SERPING1: variants seen among roughly 807,000 people sequenced by gnomAD.
The protein encoded by SERPING1 is plasma protease C1 inhibitor.
A neutral mutation model predicts 34.1 loss-of-function variants in SERPING1; 5 were observed. That is an observed-to-expected ratio of 0.15 (90% CI 0.08 to 0.31). The LOEUF (loss-of-function observed/expected upper bound fraction) is 0.31, where lower values mean the gene tolerates loss of function less well. Ranked by LOEUF, SERPING1 falls within the 10% of genes least tolerant of loss-of-function variation. The pLI is 1.00. For synonymous variants in SERPING1, 225 were observed against 242.4 expected (o/e 0.93, Z 0.67); for missense variants, 505 against 609.5 (o/e 0.83, Z 1.81).
intron 6 of SERPING1, 180 bp downstream of exon 6, chr11:57,606,727 CATT>C: frequency 1.3e-6 from 1 of 768,912 alleles, no homozygotes; most frequent in Non-Finnish European, 2.3e-6. Context: ...CCAAGGCAGA[CATT>C]GTATATTTTA....
chr11:57,603,737 G>A (rs1246911881), intron 4 of SERPING1, among the ~76,000 whole-genome samples: 1 of 150,064 alleles, frequency 6.7e-6, no homozygotes, highest in East Asian at 2.0e-4. Context: ...TACTTGGGAG[G>A]CTGAGGCAGG....
At chr11:57,613,184 A>C (rs1229867453) in intron 7 of SERPING1, among the ~76,000 whole-genome samples, 1 of 152,198 alleles carries the variant, frequency 6.6e-6, no homozygotes. Flanking sequence ...ATTTTCATTC[A>C]ACACTTCTGG....
chr11:57,598,150 G>T (rs1945307982), intron 1 of SERPING1, 99 bp from the exon 2 acceptor site: 2 of 856,946 alleles, frequency 2.3e-6, no homozygotes, highest in Non-Finnish European at 3.6e-6. Flanking sequence ...CGCTAAGAGG[G>T]ACTGGGGCCT....
Position 57,614,382 on chromosome 11 carries a change from A to G in SERPING1, c.1304A>G (p.Asp435Gly). 6.2e-7 allele frequency: 1 copy of G among 1,614,082 alleles called. No individual in the cohort carries two copies. Among genetic ancestry groups the G allele is most frequent in the South Asian group, 1.1e-5 (1 of 91,086 alleles). The stretch of plus-strand genomic sequence containing the variant: ...CTGTGTGGGCTGACAGAGGACCCAG[A>G]TCTTCAGGTTTCTGCGATGCAGCAC... ...LNLCGLTEDPDLQVSAMQHQT... is the reference protein window; with the variant it reads ...LNLCGLTEDPGLQVSAMQHQT... Residue 435 changes from aspartate to glycine, a missense_variant, in exon 8 of 8, where the codon GAT becomes GGT. Transcript: ENST00000278407.
At chr11:57,600,426 T>C (rs770101141) in intron 3 of SERPING1, 49 bp downstream of exon 3, 7 of 1,603,026 alleles carry the variant, frequency 4.4e-6, no homozygotes, top group Non-Finnish European at 6.0e-6. Flanking sequence ...GACACTCCCA[T>C]AAGAGTCACC....
intron 7 of SERPING1, 111 bp from the exon 8 acceptor site, chr11:57,614,217 G>T (rs1287626129): frequency 1.5e-6 from 2 of 1,376,928 alleles, no homozygotes; most frequent in East Asian, 4.6e-5. Flanking sequence ...AAGGGAAGAG[G>T]AAGAGAGCAC....
At chr11:57,600,451 C>G in intron 3 of SERPING1, 74 bp downstream of exon 3, 1 of 1,526,188 alleles carries the variant, frequency 6.6e-7, no homozygotes, top group Non-Finnish European at 9.1e-7. Context: ...CAGACACTTA[C>G]AAAGCCATGC....
intron 4 of SERPING1, among the ~76,000 whole-genome samples, chr11:57,605,186 G>A (rs1487939330): frequency 1.3e-5 from 2 of 151,928 alleles, no homozygotes; most frequent in Admixed American, 6.6e-5. Context: ...TGAAAAATAC[G>A]TAACAGCATT....
chr11:57,614,006 A>AT (rs1291137492), intron 7 of SERPING1, among the ~76,000 whole-genome samples: 1 of 151,708 alleles, frequency 6.6e-6, no homozygotes, highest in African/African-American at 2.4e-5. Flanking sequence ...ATATAACCTC[A>AT]TTTTTTCATA....
At chr11:57,613,943 A>G (rs1428806501) in intron 7 of SERPING1, among the ~76,000 whole-genome samples, 3 of 152,146 alleles carry the variant, frequency 2.0e-5, no homozygotes, top group Non-Finnish European at 4.4e-5. Context: ...ATTTGGAGCT[A>G]AAGATGCTCC....
rs759225698 is a variant in SERPING1, at chr11:57,598,254, C to T, written c.-17C>T. The T allele has an allele frequency of 1.5e-5, 23 of 1,546,884 alleles. No individual in the cohort carries two copies. The African/African-American group carries it at 3.0e-4, about 20-fold the overall frequency. ...GAGGCTGGCTGGCTCCGCAGGTCCG[C>T]TGACGTCGCCGCCCAGATGGCCTCC... On this transcript the variant is annotated 5_prime_UTR_variant, in exon 2 of 8. Coordinates refer to ENST00000278407, the MANE Select transcript of SERPING1 (RefSeq NM_000062.3).
In SERPING1 at chr11:57,610,225, G is replaced by A. The variant is rs150214803; in HGVS notation, c.1030-1492G>A. Among the ~76,000 whole-genome samples, 454 of 152,274 alleles carry A rather than the reference G, an allele frequency of 3.0e-3. 17 individuals are homozygous for A. The East Asian group carries it at 0.078, about 26-fold the overall frequency. ...CACCTGGTTTTAACATGATGAAGTT[G>A]GTTTCTTTTGTCATTCTTATACTAA... On this transcript the variant is annotated intron_variant, in intron 6 of 7. Transcript: ENST00000278407.
At chr11:57,601,308 G>A (rs933665817) in intron 3 of SERPING1, among the ~76,000 whole-genome samples, 3 of 151,788 alleles carry the variant, frequency 2.0e-5, no homozygotes, top group Non-Finnish European at 2.9e-5. Flanking sequence ...GGCTGAGGCA[G>A]GAGAATCACT....
chr11:57,600,522 T>TGGTGGG, intron 3 of SERPING1, 145 bp downstream of exon 3: 1 of 847,638 alleles, frequency 1.2e-6, no homozygotes. Context: ...GAGGGATGTA[T>TGGTGGG]CTTTTCATTC....
rs543403412 is a variant in SERPING1 at position 57,614,563 on chromosome 11, A to T, written c.1485A>T (p.Val495=). 1 of 1,613,974 alleles carries T rather than the reference A, an allele frequency of 6.2e-7. No individual in the cohort carries two copies. Among genetic ancestry groups the T allele is most frequent in the Admixed American group, 1.7e-5 (1 of 60,016 alleles). Residue 495 remains valine (V), a synonymous_variant, in exon 8 of 8, where the codon GTA becomes GTT. Coordinates refer to ENST00000278407, the MANE Select transcript of SERPING1 (RefSeq NM_000062.3). Reference sequence around the variant, plus strand: ...AGTTCCCTGTCTTCATGGGGCGAGTATATGACCCCAGGGCCTGAGACCTGC... The same window carrying T: ...AGTTCCCTGTCTTCATGGGGCGAGTTTATGACCCCAGGGCCTGAGACCTGC... ...QHKFPVFMGR[V]YDPRA
chr11:57,603,246 A>T (rs992326009), intron 4 of SERPING1, among the ~76,000 whole-genome samples: 8 of 150,552 alleles, frequency 5.3e-5, no homozygotes, highest in African/African-American at 2.0e-4. Context: ...AAAAAAAAAA[A>T]GGAAGAAAGA....
chr11:57,602,817 G>A (rs962939233), intron 4 of SERPING1, among the ~76,000 whole-genome samples: 5 of 151,346 alleles, frequency 3.3e-5, no homozygotes, highest in African/African-American at 7.3e-5. Context: ...AAGCCGGGCC[G>A]GGCATGGTGG....
chr11:57,602,187 G>A lies in SERPING1; in HGVS notation c.685+18G>A. 6.2e-7 allele frequency: 1 copy of A among 1,614,104 alleles called. No individual in the cohort carries two copies. Among genetic ancestry groups the A allele is most frequent in the Non-Finnish European group, 8.5e-7 (1 of 1,180,018 alleles). ...CAGCCCAGGTGAGTGCCCAGGAATGGGCAGTGTCTGCAGAGGAGGGTCCTG... is the reference window on the plus strand; with the variant it reads ...CAGCCCAGGTGAGTGCCCAGGAATGAGCAGTGTCTGCAGAGGAGGGTCCTG... On this transcript the variant is annotated intron_variant, in intron 4 of 7. Transcript: ENST00000278407.
rs1326692517 is a variant in SERPING1, at chr11:57,606,108, A to G, written c.784A>G (p.Ile262Val). ...SNNSDANLEL[I>V]NTWVAKNTNN... ...CAACAGTGACGCCAACTTGGAGCTC[A>G]TCAACACCTGGGTGGCCAAGAACAC... Residue 262 changes from isoleucine to valine, a missense_variant, in exon 5 of 8, where the codon ATC becomes GTC. Physicochemically the swap from Ile to Val is conservative, Grantham distance 29. Coordinates refer to ENST00000278407, the MANE Select transcript of SERPING1 (RefSeq NM_000062.3). 1.2e-6 allele frequency: 2 copies of G among 1,612,616 alleles called. No individual in the cohort carries two copies. Among genetic ancestry groups the G allele is most frequent in the East Asian group, 4.5e-5 (2 of 44,876 alleles).
Sources: allele counts gnomAD v4.1 joint callset (sites outside exome capture counted in the v4.1 genomes callset), GRCh38; gene constraint gnomAD v4.1.1; transcripts MANE v1.5; gene names NCBI Gene and HGNC (gene_info 2026-07-23, HGNC 2026-07-21).